Variants in LPCAT3 observed in about 807,000 individuals in gnomAD.
The protein encoded by LPCAT3 is lysophosphatidylcholine acyltransferase 3, also known as lysophospholipid acyltransferase 5.
In LPCAT3, 21 loss-of-function variants were observed where a neutral mutation model predicts 63.4. That is an observed-to-expected ratio of 0.33 (90% CI 0.23 to 0.48). LPCAT3 has a LOEUF of 0.48. LPCAT3 is among the 20% of genes least tolerant of loss of function. The probability of loss-of-function intolerance (pLI) is 0.99; values close to 1 mark genes in which losing one functional copy is unlikely to be tolerated. For missense variants in LPCAT3, 451 were observed against 590.6 expected (o/e 0.76, Z 2.45); for synonymous variants, 242 against 227.5 (o/e 1.06, Z -0.58).
At chr12:7,009,614 GA>G (rs1946748632) in intron 1 of LPCAT3, among the ~76,000 whole-genome samples, 2 of 152,170 alleles carry the variant, frequency 1.3e-5, no homozygotes, top group South Asian at 4.1e-4. Context: ...TGTCTCCTTG[GA>G]AAGGGAGAAA....
At chr12:7,014,847 C>T (rs1384378691) in intron 1 of LPCAT3, among the ~76,000 whole-genome samples, 5 of 144,008 alleles carry the variant, frequency 3.5e-5, no homozygotes, top group Non-Finnish European at 7.5e-5. Context: ...GAGCCGACAT[C>T]GAGCCACTGC....
rs1388894917 is a variant in LPCAT3, at chr12:7,017,202, G to A, written c.151+1072C>T. Among the ~76,000 whole-genome samples, 3 of 152,084 alleles carry A rather than the reference G, an allele frequency of 2.0e-5. No homozygotes were observed. The highest frequency in any genetic ancestry group is 4.4e-5 in the Non-Finnish European group (3 of 68,024). ...TTCCTTATCACCACTTACAGCTTTTGCTTAATCCTTCCCACTCACCCGCTC... is the reference window on the plus strand; with the variant it reads ...TTCCTTATCACCACTTACAGCTTTTACTTAATCCTTCCCACTCACCCGCTC... On this transcript the variant is annotated intron_variant, in intron 1 of 12. Transcript: ENST00000261407. The surrounding 1 kb of genome is among the most constrained non-coding windows in gnomAD (Gnocchi z 4.1).
At chr12:6,986,199 C>A (rs1375215078) in intron 1 of LPCAT3, among the ~76,000 whole-genome samples, 2 of 152,156 alleles carry the variant, frequency 1.3e-5, no homozygotes, top group African/African-American at 4.8e-5. Context: ...CCTTAGACTT[C>A]CCTCTGCCTC....
chr12:7,011,141 C>A (rs1427698054), intron 1 of LPCAT3, among the ~76,000 whole-genome samples: 1 of 152,128 alleles, frequency 6.6e-6, no homozygotes, highest in Admixed American at 6.5e-5. Flanking sequence ...CTCCAGTGAT[C>A]CTTCCACCTC....
At chr12:6,988,388 C>G (rs1946549737) in intron 1 of LPCAT3, 1 of 152,238 alleles carries the variant, frequency 6.6e-6, no homozygotes. Context: ...CTGTGACAAC[C>G]CAGGCTGATT....
At chr12:6,989,480 T>G (rs1946567060) in intron 1 of LPCAT3, among the ~76,000 whole-genome samples, 1 of 151,858 alleles carries the variant, frequency 6.6e-6, no homozygotes, top group African/African-American at 2.4e-5. Context: ...CCAGCTAATT[T>G]TTTGTATTTT....
Position 6,977,766 on chromosome 12 carries a change from G to A in LPCAT3, c.1041-21C>T. The stretch of plus-strand genomic sequence containing the variant: ...TGTAGCTGGAGAAAAGGGTGGGTGG[G>A]GCGACCCTCAAACTGACTGGTCCTT... On this transcript the variant is annotated intron_variant, in intron 9 of 12. Coordinates refer to ENST00000261407, the MANE Select transcript of LPCAT3 (RefSeq NM_005768.6). The surrounding 1 kb of genome is among the most constrained non-coding windows in gnomAD (Gnocchi z 4.5). 1 of 1,613,584 alleles carries A rather than the reference G, an allele frequency of 6.2e-7. No homozygotes were observed. The highest frequency in any genetic ancestry group is 8.5e-7 in the Non-Finnish European group (1 of 1,179,894).
chr12:7,017,918 TTAA>T lies in LPCAT3; in HGVS notation c.151+353_151+355del, dbSNP rs1555157734. 1.3e-5 allele frequency among the ~76,000 whole-genome samples: 2 copies of T among 152,154 alleles called. No individual in the cohort carries two copies. The highest frequency in any genetic ancestry group is 1.3e-4 in the Admixed American group (2 of 15,276). The stretch of plus-strand genomic sequence containing the variant: ...GATGCGCGCGTGTGCGGGGTGGTTA[TTAA>T]TGACAGAGCAGGACACATGGCCAGA... On this transcript the variant is annotated intron_variant, in intron 1 of 12. Coordinates refer to ENST00000261407, the MANE Select transcript of LPCAT3 (RefSeq NM_005768.6). This position sits in a 1 kb window ranked among gnomAD's most constrained non-coding sequence, Gnocchi z 4.1.
chr12:6,981,022 G>C lies in LPCAT3; in HGVS notation c.659C>G (p.Pro220Arg). 1 of 1,601,584 alleles carries C rather than the reference G, an allele frequency of 6.2e-7. No homozygotes were observed. Among genetic ancestry groups the C allele is most frequent in the Non-Finnish European group, 8.5e-7 (1 of 1,175,166 alleles). Residue 220 changes from proline (P) to arginine (R), a missense_variant, in exon 6 of 13, where the codon CCA becomes CGA. Around this residue, in one of 3 missense-constraint regions of LPCAT3, gnomAD observed 304 missense variants for 390.8 expected, o/e 0.78. Transcript: ENST00000261407. ...KLVQGELIDI[P>R]GKIPNSIIPA... ...CAATTACCTGTTTGGTATCTTTCCT[G>C]GTATGTCAATCAGCTCTCCCTGCAC...
At chr12:7,013,756 C>T (rs1177842272) in intron 1 of LPCAT3, among the ~76,000 whole-genome samples, 2 of 152,210 alleles carry the variant, frequency 1.3e-5, no homozygotes, top group African/African-American at 4.8e-5. Context: ...AACTTCCTCT[C>T]TAGATCACTT....
rs935490342 is a variant in LPCAT3, at chr12:7,000,863, C to G, written c.152-17324G>C. 1.2e-4 allele frequency among the ~76,000 whole-genome samples: 18 copies of G among 151,884 alleles called. 1 individual carries two copies. Among genetic ancestry groups the G allele is most frequent in the African/African-American group, 4.3e-4 (18 of 41,488 alleles). ...CTGGGACTACAGGTGCCCGCCACCACGCCTGGCTAATTTTTTTGTATTTTT... is the reference window on the plus strand; with the variant it reads ...CTGGGACTACAGGTGCCCGCCACCAGGCCTGGCTAATTTTTTTGTATTTTT... On this transcript the variant is annotated intron_variant, in intron 1 of 12. Transcript: ENST00000261407.
At chr12:6,986,471 G>T (rs1340553417) in intron 1 of LPCAT3, among the ~76,000 whole-genome samples, 3 of 152,066 alleles carry the variant, frequency 2.0e-5, no homozygotes, top group Non-Finnish European at 4.4e-5. Context: ...TCTATTAGTA[G>T]TTAAGTTTTT....
At chr12:6,979,408 C>G in intron 7 of LPCAT3, 63 bp downstream of exon 7, 1 of 1,230,838 alleles carries the variant, frequency 8.1e-7, no homozygotes. Flanking sequence ...CTGTAGGGAT[C>G]CTTGCCTGTC....
intron 1 of LPCAT3, among the ~76,000 whole-genome samples, chr12:6,989,115 T>C (rs1464166943): frequency 2.7e-5 from 4 of 148,224 alleles, no homozygotes; most frequent in African/African-American, 1.0e-4. Flanking sequence ...AGAGCGAAAC[T>C]CCATCTCAAA....
intron 6 of LPCAT3, 93 bp downstream of exon 6, chr12:6,980,911 C>T (rs1946464026): frequency 7.6e-7 from 1 of 1,318,258 alleles, no homozygotes; most frequent in South Asian, 1.5e-5. Flanking sequence ...GGTCTCTATG[C>T]CAGGGTCATG....
At chr12:7,000,899 G>A (rs1555156452) in intron 1 of LPCAT3, among the ~76,000 whole-genome samples, 1 of 151,868 alleles carries the variant, frequency 6.6e-6, no homozygotes, top group Non-Finnish European at 1.5e-5. Flanking sequence ...AGTGGAGACG[G>A]GGTTTCACCG....
intron 1 of LPCAT3, among the ~76,000 whole-genome samples, chr12:6,996,854 C>T (rs1946640080): frequency 6.6e-6 from 1 of 152,140 alleles, no homozygotes; most frequent in African/African-American, 2.4e-5. Flanking sequence ...GAGATGACGG[C>T]ATTCCAAGGG....
chr12:6,990,016 TA>T (rs1229693943), intron 1 of LPCAT3, among the ~76,000 whole-genome samples: 6 of 149,928 alleles, frequency 4.0e-5, no homozygotes, highest in Non-Finnish European at 5.9e-5. Flanking sequence ...CTACAAAAAA[TA>T]AAAAAAATAG....
intron 1 of LPCAT3, among the ~76,000 whole-genome samples, chr12:6,994,294 G>A (rs1007166750): frequency 2.6e-5 from 4 of 151,742 alleles, no homozygotes; most frequent in Non-Finnish European, 4.4e-5. Flanking sequence ...GGCAACCTCC[G>A]CTTCCCAGGT....
Sources: gnomAD v4.1 joint callset for allele counts (sites outside exome capture counted in the v4.1 genomes callset) on GRCh38, gnomAD v4.1.1 for gene constraint, gnomAD v4.1.1 regional missense constraint, Gnocchi (gnomAD v3.1) non-coding constraint, MANE v1.5 for transcripts, NCBI Gene and HGNC (gene_info 2026-07-23, HGNC 2026-07-21) for gene names.